SCML4: variants seen among roughly 807,000 people sequenced by gnomAD.
SCML4 encodes the protein Scm polycomb group protein like 4.
In SCML4, 34 loss-of-function variants were observed where a neutral mutation model predicts 41.1. That is an observed-to-expected ratio of 0.83 (90% CI 0.63 to 1.10). The LOEUF is 1.10. SCML4 is among the 50% of genes least tolerant of loss of function. The pLI, the probability that SCML4 is intolerant of heterozygous loss-of-function variation, is 0.00. For missense variants in SCML4, 522 were observed against 534.1 expected (o/e 0.98, Z 0.22); for synonymous variants, 214 against 220.9 (o/e 0.97, Z 0.28).
chr6:107,774,625 T>C (rs565031080), intron 1 of SCML4, among the ~76,000 whole-genome samples: 20 of 152,334 alleles, frequency 1.3e-4, no homozygotes, highest in African/African-American at 3.6e-4. Context: ...GGAATTATTT[T>C]TTTCCTAGTT....
intron 5 of SCML4, among the ~76,000 whole-genome samples, chr6:107,725,152 A>G (rs933280868): frequency 6.6e-6 from 1 of 152,234 alleles, no homozygotes; most frequent in Admixed American, 6.5e-5. Flanking sequence ...TATAGTTTAC[A>G]ACAATCTATT....
chr6:107,790,461 G>A (rs745882847), intron 1 of SCML4, among the ~76,000 whole-genome samples: 2 of 152,060 alleles, frequency 1.3e-5, no homozygotes, highest in East Asian at 1.9e-4. Context: ...TCTCTCCCTC[G>A]GGGGTTAGCC....
At chr6:107,816,134 T>C (rs1784538563) in intron 1 of SCML4, among the ~76,000 whole-genome samples, 1 of 152,194 alleles carries the variant, frequency 6.6e-6, no homozygotes, top group Non-Finnish European at 1.5e-5. Context: ...AATAAGTTAG[T>C]TATGTATAAT....
chr6:107,746,842 T>C lies in SCML4; in HGVS notation c.334A>G (p.Arg112Gly). ...TCCGGGAGCTGCTGCACCTTCTTCC[T>C]CTCCAGATAGGGCCCCGCATTGGCC... Reference protein sequence around the residue: ...KQANAGPYLERKKVQQLPEHF... With the variant: ...KQANAGPYLEGKKVQQLPEHF... The change falls in exon 4 of 8, where the codon AGG becomes GGG. Residue 112 changes from arginine to glycine, a missense_variant. Coordinates refer to ENST00000369020, the MANE Select transcript of SCML4 (RefSeq NM_198081.5). The C allele has an allele frequency of 1.2e-6, 2 of 1,614,020 alleles. No individual in the cohort carries two copies. Among genetic ancestry groups the C allele is most frequent in the South Asian group, 2.2e-5 (2 of 91,048 alleles).
At chr6:107,824,572 T>A (rs145464602), upstream of SCML4, among the ~76,000 whole-genome samples, 12 of 151,962 alleles carry the variant, frequency 7.9e-5, 1 homozygote, top group East Asian at 2.1e-3. Context: ...TAGCTTTTTG[T>A]CGACATGAGC....
upstream of SCML4, among the ~76,000 whole-genome samples, chr6:107,826,304 A>AAAAGAAGAAAAGAAAAGGAAAG (rs1285999851): frequency 1.2e-5 from 1 of 83,990 alleles, no homozygotes; most frequent in African/African-American, 1.4e-4. Context: ...GAAAGAAAAG[A>AAAAGAAGAAAAGAAAAGGAAAG]AAAAGAAGAA....
intron 5 of SCML4, among the ~76,000 whole-genome samples, chr6:107,732,559 G>C (rs552946526): frequency 5.3e-5 from 8 of 152,296 alleles, no homozygotes; most frequent in African/African-American, 1.9e-4. Context: ...CTAAGACTTT[G>C]TTCTAAGCCT....
intron 5 of SCML4, among the ~76,000 whole-genome samples, chr6:107,733,274 C>T (rs556388759): frequency 2.6e-5 from 4 of 152,228 alleles, no homozygotes; most frequent in African/African-American, 9.6e-5. Context: ...GAAAGGAAGC[C>T]GTTTCATTCC....
intron 1 of SCML4, among the ~76,000 whole-genome samples, chr6:107,782,320 C>G (rs1393496809): frequency 2.0e-5 from 3 of 152,206 alleles, no homozygotes; most frequent in Non-Finnish European, 4.4e-5. Context: ...AAGACTGCTT[C>G]TAACTCCAGT....
chr6:107,738,425 C>A (rs1299639612), intron 5 of SCML4, among the ~76,000 whole-genome samples: 30 of 152,068 alleles, frequency 2.0e-4, no homozygotes, highest in Admixed American at 1.8e-3. Flanking sequence ...AGTTCAAGAC[C>A]AGCCTGGGCA....
chr6:107,707,215 T>C (rs1773731706), intron 7 of SCML4, among the ~76,000 whole-genome samples: 1 of 152,056 alleles, frequency 6.6e-6, no homozygotes, highest in Non-Finnish European at 1.5e-5. Context: ...GGCACAAGAA[T>C]TGCTTGAACT....
At chr6:107,801,736 G>A (rs1244176179) in intron 1 of SCML4, among the ~76,000 whole-genome samples, 1 of 152,044 alleles carries the variant, frequency 6.6e-6, no homozygotes, top group Non-Finnish European at 1.5e-5. Flanking sequence ...CATGGAGGGT[G>A]GAGACAGAAA....
intron 1 of SCML4, among the ~76,000 whole-genome samples, chr6:107,812,133 G>A (rs528897546): frequency 1.1e-4 from 16 of 152,312 alleles, no homozygotes; most frequent in African/African-American, 2.4e-4. Context: ...GTGGATTGCC[G>A]GGAAACTCCC....
intron 1 of SCML4, 126 bp downstream of exon 1, chr6:107,823,999 CT>C (rs1298482981): frequency 6.6e-6 from 1 of 152,218 alleles, no homozygotes; most frequent in African/African-American, 2.4e-5. Flanking sequence ...GCAGGACACT[CT>C]TGTGCGTTGC....
At chr6:107,740,866 T>G (rs1412208246) in intron 5 of SCML4, among the ~76,000 whole-genome samples, 1 of 152,118 alleles carries the variant, frequency 6.6e-6, no homozygotes, top group African/African-American at 2.4e-5. Context: ...CACAGCAAGA[T>G]TCATCACGTA....
At chr6:107,797,825 T>A (rs979035270) in intron 1 of SCML4, among the ~76,000 whole-genome samples, 1 of 151,992 alleles carries the variant, frequency 6.6e-6, no homozygotes, top group Non-Finnish European at 1.5e-5. Context: ...GAGGTTTTTT[T>A]AATCGTGAAC....
chr6:107,736,127 C>T (rs1454829441), intron 5 of SCML4, among the ~76,000 whole-genome samples: 2 of 152,146 alleles, frequency 1.3e-5, no homozygotes, highest in East Asian at 1.9e-4. Context: ...CATCCAGCCC[C>T]GATGTAGCCA....
chr6:107,836,107 T>C, the SCML4 span, among the ~76,000 whole-genome samples: 4,734 of 149,336 alleles, frequency 0.032, 207 homozygotes, highest in African/African-American at 0.1. Flanking sequence ...TTTGCTCCTG[T>C]TTTTTTTTTC....
chr6:107,784,141 G>A (rs1176959000), intron 1 of SCML4, among the ~76,000 whole-genome samples: 2 of 152,208 alleles, frequency 1.3e-5, no homozygotes, highest in Non-Finnish European at 2.9e-5. Context: ...GAAAAGGACA[G>A]CATCTGCCTG....
Sources: gnomAD v4.1 joint callset for allele counts (sites outside exome capture counted in the v4.1 genomes callset) on GRCh38, gnomAD v4.1.1 for gene constraint, MANE v1.5 for transcripts, NCBI Gene and HGNC (gene_info 2026-07-23, HGNC 2026-07-21) for gene names.